MAGED1: variants seen among roughly 807,000 people sequenced by gnomAD.
MAGED1 encodes melanoma-associated antigen D1.
A neutral mutation model predicts 54.1 loss-of-function variants in MAGED1; 3 were observed. That is an observed-to-expected ratio of 0.06 (90% confidence interval 0.03 to 0.14). MAGED1 has a LOEUF of 0.14. Among genes scored for constraint, MAGED1 ranks in the 10% least tolerant of loss-of-function variants. MAGED1 has a pLI of 1.00. For missense variants in MAGED1, 485 were observed against 623.4 expected (o/e 0.78, Z 2.36); for synonymous variants, 217 against 227.3 (o/e 0.95, Z 0.41).
intron 1 of MAGED1, among the ~76,000 whole-genome samples, chrX:51,874,676 T>G (rs1275683441): frequency 1.8e-5 from 2 of 110,848 alleles, no homozygotes; most frequent in Non-Finnish European, 3.8e-5. Context: ...TTCCTCTAAG[T>G]TTTTGGACAC....
intron 1 of MAGED1, among the ~76,000 whole-genome samples, chrX:51,871,069 G>A (rs1162827175): frequency 2.7e-5 from 3 of 112,414 alleles, no homozygotes; most frequent in Non-Finnish European, 5.6e-5. Flanking sequence ...GGTGACAACA[G>A]GAGCCCAGAC....
rs1371545437 is a variant in MAGED1, at chrX:51,894,500, G to C, written c.45+151G>C. On this transcript the variant is annotated intron_variant, in intron 2 of 12. Coordinates refer to ENST00000326587, the MANE Select transcript of MAGED1 (RefSeq NM_006986.4). ...TTTCGAATTCCCATCGTTTATCGAAGGGGGGGAGGGGCGTCTCTTTTCAGC... is the reference window on the plus strand; with the variant it reads ...TTTCGAATTCCCATCGTTTATCGAACGGGGGGAGGGGCGTCTCTTTTCAGC... The C allele has an allele frequency of 6.3e-6, 5 of 791,003 alleles. No homozygotes were observed. The African/African-American group carries it at 8.4e-5, about 13-fold the overall frequency. The allele number at this position is 791,003 out of a possible 1,213,427, so 65.2% of individuals were successfully genotyped here. A position where few individuals can be genotyped will look rare whatever the true frequency, so the allele number is the denominator to read the frequency against.
At chrX:51,842,161 C>T (rs1557358689) in intron 1 of MAGED1, among the ~76,000 whole-genome samples, 1 of 112,024 alleles carries the variant, frequency 8.9e-6, no homozygotes, top group African/African-American at 3.2e-5. Flanking sequence ...CTACCTCATT[C>T]ATGGAGGAGC....
chrX:51,895,413 G>A lies in MAGED1; in HGVS notation c.406G>A (p.Glu136Lys). ...TTTTTCCCAGGCAGCAACCACTGGT[G>A]AGTTAGCTGCTAACAAGTCTGAGAT... ...YDFSQAATTG[E>K]LAANKSEMAF... The change falls in exon 3 of 13, where the codon GAG (glutamate) becomes AAG (lysine). Residue 136 changes from glutamate to lysine, a missense_variant. This residue lies in a region of MAGED1 where 299 missense variants were observed against 293.1 expected (regional missense o/e 1.02). Coordinates refer to ENST00000326587, the MANE Select transcript of MAGED1 (RefSeq NM_006986.4). 1 of 1,206,674 alleles carries A rather than the reference G, an allele frequency of 8.3e-7. No individual in the cohort carries two copies. Among genetic ancestry groups the A allele is most frequent in the Non-Finnish European group, 1.1e-6 (1 of 892,738 alleles).
intron 1 of MAGED1, among the ~76,000 whole-genome samples, chrX:51,821,032 T>G (rs146890102): frequency 1.8e-4 from 20 of 112,067 alleles, no homozygotes; most frequent in African/African-American, 4.5e-4. Context: ...TTTGTCTTTT[T>G]GTGCCTGGCT....
chrX:51,825,554 G>T (rs1925825642), intron 1 of MAGED1, among the ~76,000 whole-genome samples: 1 of 111,910 alleles, frequency 8.9e-6, no homozygotes, highest in Non-Finnish European at 1.9e-5. Context: ...AGCCATCATT[G>T]GATAAAGATT....
In MAGED1 at chrX:51,886,232, G is replaced by A. The variant is rs782569420; in HGVS notation, c.-36-8037G>A. ...TCAGTAGCACAATACAGTGACTATA[G>A]TTAACAATCATTTATTGTATGTTTC... On this transcript the variant is annotated intron_variant, in intron 1 of 12. Coordinates refer to the MAGED1 transcript ENST00000375772. Among the ~76,000 whole-genome samples the A allele has an allele frequency of 2.7e-5, 3 of 109,894 alleles. No homozygotes were observed. In the Admixed American group the frequency reaches 2.9e-4, roughly 11 times the overall value.
intron 1 of MAGED1, among the ~76,000 whole-genome samples, chrX:51,813,322 T>C (rs374017016): frequency 1.2e-4 from 13 of 111,423 alleles, no homozygotes; most frequent in African/African-American, 3.9e-4. Context: ...CATGTTCTGC[T>C]AACTGCTGAC....
rs148919706 is a variant in MAGED1 at position 51,853,015 on chromosome X, C to T, written c.-36-41254C>T. On this transcript the variant is annotated intron_variant, in intron 1 of 12. Transcript: ENST00000375772. ...TGATGAATGAGAGCAGTTTGAGTCT[C>T]TTACCTTCTTTTTTGTACTTTCCGC... is the stretch of plus-strand genomic sequence containing the variant. Among the ~76,000 whole-genome samples the T allele has an allele frequency of 3.6e-3, 397 of 111,713 alleles. 1 individual carries two copies. The highest frequency in any genetic ancestry group is 5.2e-3 in the Non-Finnish European group (277 of 53,198).
intron 1 of MAGED1, among the ~76,000 whole-genome samples, chrX:51,824,402 T>C (rs1380425039): frequency 9.0e-6 from 1 of 111,163 alleles, no homozygotes; most frequent in Non-Finnish European, 1.9e-5. Context: ...ACTTCTGTTT[T>C]CTTGTTTGTG....
chrX:51,827,731 G>A (rs1189309289), intron 1 of MAGED1, among the ~76,000 whole-genome samples: 1 of 111,279 alleles, frequency 9.0e-6, no homozygotes, highest in Non-Finnish European at 1.9e-5. Context: ...TTTTTTAAAA[G>A]TCAACTGAAA....
chrX:51,892,308 T>G (rs919817732), upstream of MAGED1, among the ~76,000 whole-genome samples: 2 of 112,228 alleles, frequency 1.8e-5, no homozygotes, highest in African/African-American at 6.5e-5. Flanking sequence ...GAGTGACCCG[T>G]GCGGGCTCAC....
In MAGED1 at chrX:51,896,980, T is replaced by G; in HGVS notation, c.1325T>G (p.Leu442Arg). Residue 442 changes from leucine to arginine, a missense_variant, in exon 4 of 13, where the codon CTG (leucine) becomes CGG (arginine). Leu to Arg is a moderately radical substitution (Grantham distance 102). This residue lies in a region of MAGED1 where 186 missense variants were observed against 330.3 expected (regional missense o/e 0.56). Coordinates refer to ENST00000326587, the MANE Select transcript of MAGED1 (RefSeq NM_006986.4). ...DWPIPPDWQN[L>R]RPSPNLRPSP... Reference sequence around the variant, plus strand: ...CCAATTCCACCTGACTGGCAGAACCTGCGCCCCTCGCCTAACCTGCGCCCT... The same window carrying G: ...CCAATTCCACCTGACTGGCAGAACCGGCGCCCCTCGCCTAACCTGCGCCCT... The G allele has an allele frequency of 5.0e-6, 6 of 1,210,906 alleles. No individual in the cohort carries two copies. Among genetic ancestry groups the G allele is most frequent in the Non-Finnish European group, 6.7e-6 (6 of 895,130 alleles).
intron 1 of MAGED1, among the ~76,000 whole-genome samples, chrX:51,861,063 C>T (rs1313199515): frequency 9.0e-6 from 1 of 111,052 alleles, no homozygotes; most frequent in Non-Finnish European, 1.9e-5. Flanking sequence ...ATTTGGACCC[C>T]ACCCCCATGT....
intron 1 of MAGED1, among the ~76,000 whole-genome samples, chrX:51,859,557 T>C (rs894851025): frequency 1.8e-4 from 20 of 112,133 alleles, no homozygotes; most frequent in African/African-American, 6.5e-4. Flanking sequence ...GTTGGTAGGC[T>C]GAATAAATGG....
intron 1 of MAGED1, among the ~76,000 whole-genome samples, chrX:51,831,420 T>TG (rs1229518131): frequency 9.0e-6 from 1 of 111,131 alleles, no homozygotes; most frequent in African/African-American, 3.3e-5. Context: ...AAGACCAGCC[T>TG]GGGCAACACA....
At chrX:51,805,275 A>T (rs904993028) in intron 1 of MAGED1, among the ~76,000 whole-genome samples, 1 of 111,730 alleles carries the variant, frequency 9.0e-6, no homozygotes, top group Non-Finnish European at 1.9e-5. Flanking sequence ...ATAAAAGATA[A>T]AACTTTTAAA....
At chrX:51,848,786 G>A (rs1465711034) in intron 1 of MAGED1, among the ~76,000 whole-genome samples, 3 of 111,775 alleles carry the variant, frequency 2.7e-5, no homozygotes, top group Non-Finnish European at 5.6e-5. Context: ...GAATTTGCAG[G>A]GTTTGGGGGT....
At chrX:51,872,526 T>C (rs1278862929) in intron 1 of MAGED1, among the ~76,000 whole-genome samples, 1 of 112,514 alleles carries the variant, frequency 8.9e-6, no homozygotes, top group Non-Finnish European at 1.9e-5. Flanking sequence ...TATATTTCCT[T>C]TCTTATTTCA....
Sources: gnomAD v4.1 joint callset for allele counts (sites outside exome capture counted in the v4.1 genomes callset) on GRCh38, gnomAD v4.1.1 for gene constraint, gnomAD v4.1.1 regional missense constraint, MANE v1.5 for transcripts, NCBI Gene and HGNC (gene_info 2026-07-23, HGNC 2026-07-21) for gene names.